The following ADPRHL1 variants were observed in gnomAD, a reference collection of about 807,000 sequenced individuals.
ADPRHL1 encodes ADP-ribosylhydrolase like 1.
A neutral mutation model predicts 44.1 loss-of-function variants in ADPRHL1; 43 were observed. That is an observed-to-expected ratio of 0.98 (90% CI 0.76 to 1.26). The LOEUF is 1.26. ADPRHL1 is among the 50% of genes most tolerant of loss of function. The pLI is 0.00. For missense variants in ADPRHL1, 2,022 were observed against 2,496.9 expected, an observed-to-expected ratio of 0.81 and a Z score of 4.05; for synonymous variants, 878 against 1,017.4, an observed-to-expected ratio of 0.86 and a Z score of 2.61.
rs531994711 is a variant in ADPRHL1 at position 113,434,261 on chromosome 13, C to G, written c.380-394G>C. ...TATACTGGTGTACCGCGGGACCCAG[C>G]ACCCAGGCGCAGGGTGAACATAGGT... On this transcript the variant is annotated intron_variant, in intron 2 of 7. Coordinates refer to ENST00000612156, the MANE Select transcript of ADPRHL1 (RefSeq NM_001394807.1). 2.0e-5 allele frequency among the ~76,000 whole-genome samples: 3 copies of G among 152,184 alleles called. No homozygotes were observed. In the East Asian group the frequency reaches 5.8e-4, roughly 29 times the overall value.
At chr13:113,432,883 T>G (rs1322616182) in intron 3 of ADPRHL1, among the ~76,000 whole-genome samples, 1 of 152,172 alleles carries the variant, frequency 6.6e-6, no homozygotes, top group African/African-American at 2.4e-5. Context: ...TTTTGAGTCC[T>G]TTTTGCTTTT....
In ADPRHL1 at chr13:113,433,675, G is replaced by A. The variant is rs1314498721; in HGVS notation, c.505+67C>T. The A allele has an allele frequency of 1.2e-5, 18 of 1,490,560 alleles. 1 individual carries two copies. Among genetic ancestry groups the A allele is most frequent in the Non-Finnish European group, 1.5e-5 (17 of 1,120,542 alleles). The allele number at this position is 1,490,560 out of a possible 1,614,324, so 92.3% of individuals were successfully genotyped here. On this transcript the variant is annotated intron_variant, in intron 3 of 7. Transcript: ENST00000612156. Reference sequence around the variant, plus strand: ...GCCCCCCACCCCACACTTAACCTGTGAGGTGGTTGTGGGTCATCCGGCCGC... The same window carrying A: ...GCCCCCCACCCCACACTTAACCTGTAAGGTGGTTGTGGGTCATCCGGCCGC...
At chr13:113,443,032 A>G (rs1259278103) in intron 2 of ADPRHL1, among the ~76,000 whole-genome samples, 1 of 152,152 alleles carries the variant, frequency 6.6e-6, no homozygotes, top group Non-Finnish European at 1.5e-5. Flanking sequence ...TGTGATTTGG[A>G]TCTTTTCAAA....
chr13:113,405,418 CG>C lies in ADPRHL1; in HGVS notation c.3863del (p.Pro1288ArgfsTer40). 3 of 1,231,970 alleles carry C rather than the reference CG, an allele frequency of 2.4e-6. No individual in the cohort carries two copies. The highest frequency in any genetic ancestry group is 3.0e-6 in the Non-Finnish European group (3 of 988,152). 76.3% of individuals were successfully genotyped at this position (1,231,970 alleles called of 1,614,324 possible). A position where few individuals can be genotyped will look rare whatever the true frequency, so the allele number is the denominator to read the frequency against. On this transcript the variant is annotated frameshift_variant, in exon 8 of 8. Coordinates refer to ENST00000612156, the MANE Select transcript of ADPRHL1 (RefSeq NM_001394807.1). LOFTEE classifies it low-confidence loss of function (END_TRUNC). ...ESPSYGPGLPPSPPENPQAKG... is the reference protein window; with the variant it reads ...ESPSYGPGLPXSPPENPQAKG... ...TTGCCTGTGGGTTCTCAGGAGGCGA[CG>C]GCGGGAGGCCAGGGCCATAGCTGGG...
intron 7 of ADPRHL1, among the ~76,000 whole-genome samples, chr13:113,410,630 C>T (rs534682564): frequency 2.6e-5 from 4 of 152,320 alleles, no homozygotes; most frequent in South Asian, 4.1e-4. Context: ...AGGAAGGAGC[C>T]GCTGTGTCCC....
intron 7 of ADPRHL1, among the ~76,000 whole-genome samples, chr13:113,417,590 T>C (rs2043893191): frequency 6.6e-6 from 1 of 152,220 alleles, no homozygotes; most frequent in African/African-American, 2.4e-5. Flanking sequence ...TCTCAGCCCT[T>C]GTTTGCTGAC....
chr13:113,447,152 C>T (rs1231767213), intron 1 of ADPRHL1, among the ~76,000 whole-genome samples: 91 of 84,974 alleles, frequency 1.1e-3, no homozygotes, highest in South Asian at 4.7e-3. Flanking sequence ...ATGTGCATGG[C>T]GTCTACACTC....
intron 2 of ADPRHL1, among the ~76,000 whole-genome samples, chr13:113,443,184 T>G (rs1361778004): frequency 6.6e-6 from 1 of 152,246 alleles, no homozygotes; most frequent in African/African-American, 2.4e-5. Context: ...TGGATTCTCC[T>G]GATTCTTTGC....
At position 113,409,588 on chromosome 13, in the gene ADPRHL1, T is replaced by C. The variant is rs74115875; in HGVS notation, c.1062-1368A>G. 0.025 allele frequency: 24,855 copies of C among 985,222 alleles called. 419 individuals carry two copies. The highest frequency in any genetic ancestry group is 0.088 in the African/African-American group (5,068 of 57,270). The allele number at this position is 985,222 out of a possible 1,614,324, so 61.0% of individuals were successfully genotyped here. On this transcript the variant is annotated intron_variant, in intron 7 of 7. Transcript: ENST00000612156. This position sits in a 1 kb window ranked among gnomAD's most constrained non-coding sequence, Gnocchi z 4.2. ...TGAAAAGCTCACTCTAACCCGATTG[T>C]TTTTAAGAAGCTGAGGCCGGGCGCC...
In ADPRHL1 at chr13:113,403,510, C is replaced by T. The variant is rs1464217182; in HGVS notation, c.5772G>A (p.Glu1924=). The T allele has an allele frequency of 8.1e-7, 1 of 1,232,032 alleles. No individual in the cohort carries two copies. The highest frequency in any genetic ancestry group is 1.0e-6 in the Non-Finnish European group (1 of 988,034). 76.3% of individuals were successfully genotyped at this position (1,232,032 alleles called of 1,614,324 possible). ...GCCTGGACCTCCCGCGACGCTCGGG[C>T]TCCGATGCCTCCATCCTGTCCTGCA... The part of the protein sequence containing the change: ...RALQDRMEAS[E]PERRGRSRHL... Residue 1924 remains glutamate, a synonymous_variant, in exon 8 of 8, where the codon GAG becomes GAA. Transcript: ENST00000612156.
rs1443071765 is a variant in ADPRHL1, at chr13:113,407,673, G to A, written c.1609C>T (p.Leu537Phe). The A allele has an allele frequency of 8.1e-7, 1 of 1,231,952 alleles. No individual in the cohort carries two copies. Among genetic ancestry groups the A allele is most frequent in the Non-Finnish European group, 1.0e-6 (1 of 988,006 alleles). 76.3% of individuals were successfully genotyped at this position (1,231,952 alleles called of 1,614,324 possible). A position where few individuals can be genotyped will look rare whatever the true frequency, so the allele number is the denominator to read the frequency against. ...CTCTTGCCCATGATCTTCGGCAAGA[G>A]GCCCCTGGCGGCTTTGGGCCGCTCC... ...PVERPKAARG[L>F]LPKIMGKSSV... Residue 537 changes from leucine (L) to phenylalanine (F), a missense_variant, in exon 8 of 8, where the codon CTC becomes TTC. Physicochemically the swap from Leu to Phe is conservative, Grantham distance 22. Transcript: ENST00000612156.
chr13:113,451,304 C>T lies in ADPRHL1; in HGVS notation c.214+1920G>A, dbSNP rs150352672. On this transcript the variant is annotated intron_variant, in intron 1 of 7. Transcript: ENST00000612156. ...TATCTAAGATCTATATCTGGTATAACTATTCTTGTTTTATTATACTGGAAC... is the reference window on the plus strand; with the variant it reads ...TATCTAAGATCTATATCTGGTATAATTATTCTTGTTTTATTATACTGGAAC... 8.8e-3 allele frequency among the ~76,000 whole-genome samples: 1,339 copies of T among 152,234 alleles called. 27 individuals carry two copies. The highest frequency in any genetic ancestry group is 0.031 in the African/African-American group (1,282 of 41,530).
intron 1 of ADPRHL1, among the ~76,000 whole-genome samples, chr13:113,446,441 T>C (rs1207703178): frequency 6.6e-6 from 1 of 152,210 alleles, no homozygotes. Flanking sequence ...CAGAGGCCTC[T>C]GAAGAGAGGG....
chr13:113,405,647 G>C lies in ADPRHL1; in HGVS notation c.3635C>G (p.Pro1212Arg). The C allele has an allele frequency of 8.1e-7, 1 of 1,232,746 alleles. No individual in the cohort carries two copies. Among genetic ancestry groups the C allele is most frequent in the Non-Finnish European group, 1.0e-6 (1 of 988,802 alleles). The allele number at this position is 1,232,746 out of a possible 1,614,324, so 76.4% of individuals were successfully genotyped here. Residue 1212 changes from proline to arginine, a missense_variant, in exon 8 of 8, where the codon CCG (proline) becomes CGG (arginine). Pro to Arg is a moderately radical substitution (Grantham distance 103). Coordinates refer to ENST00000612156, the MANE Select transcript of ADPRHL1 (RefSeq NM_001394807.1). ...PEDIATLARHPEDAAALARHP... is the reference protein window; with the variant it reads ...PEDIATLARHREDAAALARHP... ...CCGGGCGAGGGCCGCAGCATCCTCCGGGTGGCGGGCGAGGGTCGCAATGTC... is the reference window on the plus strand; with the variant it reads ...CCGGGCGAGGGCCGCAGCATCCTCCCGGTGGCGGGCGAGGGTCGCAATGTC...
chr13:113,410,176 C>T, intron 7 of ADPRHL1: 5 of 965,594 alleles, frequency 5.2e-6, no homozygotes, highest in Non-Finnish European at 6.2e-6. Flanking sequence ...GCAGATGGAA[C>T]ACAGGACTCC....
At chr13:113,422,747 C>T in intron 7 of ADPRHL1, 79 bp downstream of exon 7, 3 of 1,577,346 alleles carry the variant, frequency 1.9e-6, no homozygotes, top group Non-Finnish European at 2.6e-6. Context: ...GACACCCTCA[C>T]CCAGGGGCTG....
chr13:113,407,700 C>T lies in ADPRHL1; in HGVS notation c.1582G>A (p.Val528Met). 8.1e-7 allele frequency: 1 copy of T among 1,232,108 alleles called. No homozygotes were observed. Among genetic ancestry groups the T allele is most frequent in the Non-Finnish European group, 1.0e-6 (1 of 988,034 alleles). The allele number at this position is 1,232,108 out of a possible 1,614,324, so 76.3% of individuals were successfully genotyped here. A position where few individuals can be genotyped will look rare whatever the true frequency, so the allele number is the denominator to read the frequency against. Reference sequence around the variant, plus strand: ...CCCCTGGCGGCTTTGGGCCGCTCCACAGGGGGCTTCTCGCGTGCTTCTTTC... The same window carrying T: ...CCCCTGGCGGCTTTGGGCCGCTCCATAGGGGGCTTCTCGCGTGCTTCTTTC... ...KEKEAREKPP[V>M]ERPKAARGLL... The change falls in exon 8 of 8, where the codon GTG becomes ATG. Residue 528 changes from valine (V) to methionine (M), a missense_variant. Physicochemically the swap from Val to Met is conservative, Grantham distance 21 (BLOSUM62 1). This residue lies in a region of ADPRHL1 where 1,221 missense variants were observed against 1,517.8 expected (regional missense o/e 0.80). Transcript: ENST00000612156.
chr13:113,420,495 G>A lies in ADPRHL1; in HGVS notation c.1061+2331C>T, dbSNP rs138050505. On this transcript the variant is annotated intron_variant, in intron 7 of 7. Transcript: ENST00000612156. ...GGTAAGCGGGCAAAACAGGTACTAC[G>A]ACCGTGTTACTTATGCTAGCAACAG... 8.0e-3 allele frequency among the ~76,000 whole-genome samples: 1,224 copies of A among 152,152 alleles called. 17 individuals are homozygous for A. The highest frequency in any genetic ancestry group is 0.028 in the African/African-American group (1,170 of 41,464).
At chr13:113,420,201 T>C (rs1312443564) in intron 7 of ADPRHL1, among the ~76,000 whole-genome samples, 1 of 152,198 alleles carries the variant, frequency 6.6e-6, no homozygotes, top group Non-Finnish European at 1.5e-5. Flanking sequence ...AGTGCTTTCT[T>C]TGGCTTTTTC....
Sources: allele counts gnomAD v4.1 joint callset (sites outside exome capture counted in the v4.1 genomes callset), GRCh38; gene constraint gnomAD v4.1.1; regional missense constraint gnomAD v4.1.1; non-coding constraint Gnocchi (gnomAD v3.1); transcripts MANE v1.5; gene names NCBI Gene and HGNC (gene_info 2026-07-23, HGNC 2026-07-21).